BTBD8: variants seen among roughly 807,000 people sequenced by gnomAD.
BTBD8 encodes BTB/POZ domain-containing protein 8.
In BTBD8, 110 loss-of-function variants were observed where a neutral mutation model predicts 162.9. That is an observed-to-expected ratio of 0.68 (90% CI 0.58 to 0.79). The LOEUF is 0.79. BTBD8 is among the 30% of genes least tolerant of loss of function. BTBD8 has a pLI of 0.00. For missense variants in BTBD8, 1,905 were observed against 2,085.4 expected, an observed-to-expected ratio of 0.91 and a Z score of 1.68; for synonymous variants, 667 against 716.1, an observed-to-expected ratio of 0.93 and a Z score of 1.10.
chr1:92,109,521 G>T (rs1050364983), intron 4 of BTBD8, among the ~76,000 whole-genome samples: 13 of 152,126 alleles, frequency 8.5e-5, no homozygotes, highest in African/African-American at 3.1e-4. Context: ...TTGTATTCTA[G>T]GACAGCTCTT....
At chr1:92,162,469 T>C (rs1305155230) in intron 9 of BTBD8, among the ~76,000 whole-genome samples, 20 of 152,220 alleles carry the variant, frequency 1.3e-4, no homozygotes, top group Admixed American at 1.2e-3. Context: ...CCCAACAAGA[T>C]TGAGTCCCAG....
At chr1:92,122,532 C>T (rs1252643754) in intron 4 of BTBD8, among the ~76,000 whole-genome samples, 1 of 151,726 alleles carries the variant, frequency 6.6e-6, no homozygotes, top group African/African-American at 2.4e-5. Context: ...GCTGGGATTA[C>T]AGGCGTGAGC....
intron 13 of BTBD8, among the ~76,000 whole-genome samples, chr1:92,174,183 AT>A (rs1489557515): frequency 6.6e-6 from 1 of 151,940 alleles, no homozygotes; most frequent in Non-Finnish European, 1.5e-5. Context: ...TCCTCTTATG[AT>A]TATGTTTAAT....
intron 1 of BTBD8, among the ~76,000 whole-genome samples, chr1:92,087,822 G>A (rs996408435): frequency 1.1e-4 from 16 of 152,118 alleles, no homozygotes; most frequent in Non-Finnish European, 2.9e-5. Flanking sequence ...ATTATTGCCA[G>A]TTTTATATAT....
At chr1:92,131,186 G>T (rs1368486499) in intron 5 of BTBD8, among the ~76,000 whole-genome samples, 2 of 152,158 alleles carry the variant, frequency 1.3e-5, no homozygotes, top group Admixed American at 1.3e-4. Context: ...TATACATTTA[G>T]AGACTAGATA....
intron 4 of BTBD8, among the ~76,000 whole-genome samples, chr1:92,112,325 G>T (rs12090217): frequency 0.022 from 3,280 of 152,186 alleles, 134 homozygotes; most frequent in African/African-American, 0.075. Flanking sequence ...GATCATTTGA[G>T]CCTAGGTGTT....
At chr1:92,092,404 A>G (rs2101895721) in intron 2 of BTBD8, among the ~76,000 whole-genome samples, 1 of 151,954 alleles carries the variant, frequency 6.6e-6, no homozygotes, top group East Asian at 1.9e-4. Context: ...CAAAAAAAAA[A>G]AAAAAGAAAA....
intron 3 of BTBD8, 94 bp from the exon 4 acceptor site, chr1:92,107,790 A>G: frequency 1.0e-6 from 1 of 963,990 alleles, no homozygotes; most frequent in Non-Finnish European, 1.5e-6. Flanking sequence ...TAATTGAGAT[A>G]ATTATGTGGG....
intron 3 of BTBD8, among the ~76,000 whole-genome samples, chr1:92,106,067 T>G (rs1648716356): frequency 6.6e-6 from 1 of 152,206 alleles, no homozygotes; most frequent in African/African-American, 2.4e-5. Flanking sequence ...TACTTCAAAT[T>G]TAAGTTAACA....
At chr1:92,122,492 C>T (rs776495059) in intron 4 of BTBD8, among the ~76,000 whole-genome samples, 15 of 151,940 alleles carry the variant, frequency 9.9e-5, no homozygotes, top group Admixed American at 7.9e-4. Context: ...CTCTTGACCT[C>T]GTGATCTGCC....
At position 92,115,176 on chromosome 1, in the gene BTBD8, G is replaced by A. The variant is rs1649000104; in HGVS notation, c.662+7175G>A. On this transcript the variant is annotated intron_variant, in intron 4 of 17. Transcript: ENST00000636805. ...GCCCACAGCCTTGGCAGCACCAGTA[G>A]ATAGATGCAGGGATGATGTTCTGGA... 15 of 534,896 alleles carry A rather than the reference G, an allele frequency of 2.8e-5. 1 individual carries two copies. The highest frequency in any genetic ancestry group is 1.8e-4 in the South Asian group (12 of 65,108). 33.1% of individuals were successfully genotyped at this position (534,896 alleles called of 1,614,324 possible).
At chr1:92,124,315 T>C (rs1649297821) in intron 4 of BTBD8, among the ~76,000 whole-genome samples, 1 of 152,246 alleles carries the variant, frequency 6.6e-6, no homozygotes, top group Non-Finnish European at 1.5e-5. Context: ...CCTAAGCTGC[T>C]TTCAGCAGGA....
chr1:92,142,472 G>A (rs2893200), intron 7 of BTBD8, among the ~76,000 whole-genome samples: 95,478 of 152,078 alleles, frequency 0.63, 30,496 homozygotes, highest in East Asian at 0.97. Context: ...CTTGGAGTAT[G>A]TCTGAGAAGC....
intron 2 of BTBD8, among the ~76,000 whole-genome samples, chr1:92,098,441 AC>A (rs1648508865): frequency 6.6e-6 from 1 of 152,188 alleles, no homozygotes; most frequent in Admixed American, 6.5e-5. Flanking sequence ...TGTATTATAT[AC>A]CTAGGAGTGG....
At position 92,182,002 on chromosome 1, in the gene BTBD8, T is replaced by G. The variant is rs1207141188; in HGVS notation, c.4319T>G (p.Leu1440Arg). Residue 1440 changes from leucine (L) to arginine (R), a missense_variant, in exon 17 of 18, where the codon CTT (leucine) becomes CGT (arginine). By Grantham distance (102) the Leu-to-Arg change is moderately radical. Around this residue, in one of 3 missense-constraint regions of BTBD8, gnomAD observed 517 missense variants for 606.6 expected, o/e 0.85. Transcript: ENST00000636805. ...AAAAAGTTTAAAAGGTCAGTTTTAC[T>G]TTCAGTCGATGAATGTGAAGAGCTG... ...ATKKFKRSVL[L>R]SVDECEELGS... 1 of 1,551,580 alleles carries G rather than the reference T, an allele frequency of 6.4e-7. No individual in the cohort carries two copies. The highest frequency in any genetic ancestry group is 2.4e-5 in the East Asian group (1 of 40,908).
Position 92,141,056 on chromosome 1 carries a change from A to G in BTBD8, c.834-59A>G. On this transcript the variant is annotated intron_variant, in intron 6 of 17. Coordinates refer to ENST00000636805, the MANE Select transcript of BTBD8 (RefSeq NM_001376131.1). ...GACTATATATTATCAATAAATTAGT[A>G]TGTGTTGTGCCTTGATTTTTAAATT... The G allele has an allele frequency of 2.1e-6, 3 of 1,407,512 alleles. No homozygotes were observed. In the Admixed American group the frequency reaches 7.8e-5, roughly 37 times the overall value. 87.2% of individuals were successfully genotyped at this position (1,407,512 alleles called of 1,614,324 possible). A position where few individuals can be genotyped will look rare whatever the true frequency, so the allele number is the denominator to read the frequency against.
intron 4 of BTBD8, among the ~76,000 whole-genome samples, chr1:92,111,568 C>T (rs113032693): frequency 0.014 from 2,160 of 152,134 alleles, 59 homozygotes; most frequent in African/African-American, 0.048. Flanking sequence ...ATGATCCCAC[C>T]GCTTATTTTT....
intron 16 of BTBD8, 101 bp downstream of exon 16, chr1:92,178,552 T>C (rs1570760949): frequency 1.5e-5 from 13 of 884,362 alleles, no homozygotes; most frequent in Non-Finnish European, 2.2e-5. Context: ...AAGCAAAATA[T>C]GGTTTTACTC....
intron 1 of BTBD8, among the ~76,000 whole-genome samples, chr1:92,081,929 C>T (rs939768961): frequency 6.6e-6 from 1 of 151,958 alleles, no homozygotes; most frequent in Non-Finnish European, 1.5e-5. Context: ...CTTAAGGCTC[C>T]GATAGCTATA....
Sources: gnomAD v4.1 joint callset for allele counts (sites outside exome capture counted in the v4.1 genomes callset) on GRCh38, gnomAD v4.1.1 for gene constraint, gnomAD v4.1.1 regional missense constraint, MANE v1.5 for transcripts, NCBI Gene and HGNC (gene_info 2026-07-23, HGNC 2026-07-21) for gene names.